The following PTPRS variants were observed in gnomAD, a reference collection of about 807,000 sequenced individuals.
PTPRS encodes the protein protein tyrosine phosphatase receptor type S.
In PTPRS, 63 loss-of-function variants were observed where a neutral mutation model predicts 215.3. That is an observed-to-expected ratio of 0.29 (90% CI 0.24 to 0.36). PTPRS has a LOEUF of 0.36. Ranked by LOEUF, PTPRS falls within the 10% of genes least tolerant of loss-of-function variation. The pLI, the probability that PTPRS is intolerant of heterozygous loss-of-function variation, is 1.00. For synonymous variants in PTPRS, 1,404 were observed against 1,191.4 expected (o/e 1.18, Z -3.68); for missense variants, 2,258 against 2,825.8 (o/e 0.80, Z 4.56).
intron 17 of PTPRS, 90 bp from the exon 18 acceptor site, chr19:5,223,387 T>A: frequency 6.1e-6 from 8 of 1,304,130 alleles, no homozygotes; most frequent in Non-Finnish European, 7.9e-6. Flanking sequence ...TTCTTTTCCT[T>A]CAATATAACA....
Position 5,210,532 on chromosome 19 carries a change from A to C in PTPRS, c.5424T>G (p.Asp1808Glu), listed in dbSNP as rs995063565. Reference sequence around the variant, plus strand: ...GAGGCATGTTGTATTCTGCCATCGGATCTACCACAAAGTACTGGTAGCGGG... The same window carrying C: ...GAGGCATGTTGTATTCTGCCATCGGCTCTACCACAAAGTACTGGTAGCGGG... ...RSARYQYFVVDPMAEYNMPQY... is the reference protein window; with the variant it reads ...RSARYQYFVVEPMAEYNMPQY... The change falls in exon 35 of 38, where the codon GAT becomes GAG. Residue 1808 changes from aspartate to glutamate, a missense_variant. Physicochemically the swap from Asp to Glu is conservative, Grantham distance 45. This residue lies in a region of PTPRS where 927 missense variants were observed against 1,125.9 expected (regional missense o/e 0.82). Coordinates refer to ENST00000262963, the MANE Select transcript of PTPRS (RefSeq NM_002850.4). This position sits in a 1 kb window ranked among gnomAD's most constrained non-coding sequence, Gnocchi z 4.5. 3 of 1,613,978 alleles carry C rather than the reference A, an allele frequency of 1.9e-6. No homozygotes were observed. The highest frequency in any genetic ancestry group is 2.7e-5 in the African/African-American group (2 of 74,904).
intron 17 of PTPRS, among the ~76,000 whole-genome samples, 164 bp downstream of exon 17, chr19:5,225,563 C>T (rs1342288673): frequency 6.6e-6 from 1 of 151,776 alleles, no homozygotes; most frequent in Non-Finnish European, 1.5e-5. Context: ...CCAAGCTGGG[C>T]CCTGGACACC....
At chr19:5,270,419 T>C (rs1369060862) in intron 4 of PTPRS, among the ~76,000 whole-genome samples, 3 of 151,138 alleles carry the variant, frequency 2.0e-5, no homozygotes, top group African/African-American at 7.3e-5. Context: ...GCCTCCTAAG[T>C]ACTTGGGACT....
intron 4 of PTPRS, among the ~76,000 whole-genome samples, chr19:5,272,510 A>T (rs1186740141): frequency 1.4e-5 from 2 of 144,126 alleles, no homozygotes; most frequent in East Asian, 4.4e-4. Context: ...AGGCAGGAGA[A>T]TCGCTTGAAC....
At position 5,281,821 on chromosome 19, in the gene PTPRS, C is replaced by T. The variant is rs1055246720; in HGVS notation, c.91+4229G>A. On this transcript the variant is annotated intron_variant, in intron 2 of 37. Transcript: ENST00000262963. ...CTGCCTGTCTGACCTAGAGCCAGAA[C>T]ACACCCCTTGCCCCCTCCAATCCAG... Among the ~76,000 whole-genome samples, 3 of 152,226 alleles carry T rather than the reference C, an allele frequency of 2.0e-5. No individual in the cohort carries two copies. The East Asian group carries it at 5.8e-4, about 29-fold the overall frequency.
At position 5,220,345 on chromosome 19, in the gene PTPRS, A is replaced by AT; in HGVS notation, c.3463_3464insA (p.Phe1155TyrfsTer21). 6.2e-7 allele frequency: 1 copy of AT among 1,613,556 alleles called. No homozygotes were observed. The stretch of plus-strand genomic sequence containing the variant: ...CTTGCGCAGTGGCACCATCACAATG[A>AT]AATAGCTCCTGTAGGGAGATGGGAA... On this transcript the variant is annotated frameshift_variant, in exon 21 of 38. Coordinates refer to ENST00000262963, the MANE Select transcript of PTPRS (RefSeq NM_002850.4). LOFTEE classifies it high-confidence loss of function.
intron 13 of PTPRS, among the ~76,000 whole-genome samples, chr19:5,235,143 T>C (rs1190624579): frequency 2.0e-5 from 3 of 152,234 alleles, no homozygotes; most frequent in East Asian, 3.9e-4. Context: ...ATTTTCACCA[T>C]GTTGGCCAGG....
At chr19:5,273,000 G>A (rs1164335714) in intron 4 of PTPRS, 1 of 195,740 alleles carries the variant, frequency 5.1e-6, no homozygotes, top group African/African-American at 2.4e-5. Flanking sequence ...AGTGGGGGAA[G>A]TCTCACTAAG....
intron 26 of PTPRS, 41 bp downstream of exon 26, chr19:5,216,679 G>GC (rs1186652288): frequency 6.9e-7 from 1 of 1,455,510 alleles, no homozygotes; most frequent in Non-Finnish European, 9.4e-7. Flanking sequence ...ATGAACGGGG[G>GC]CGGGGGCGAA....
chr19:5,269,615 G>A (rs931840732), intron 4 of PTPRS, among the ~76,000 whole-genome samples: 3 of 152,028 alleles, frequency 2.0e-5, no homozygotes, highest in Admixed American at 6.6e-5. Flanking sequence ...CCAGGCAGCC[G>A]GAGAGGAGAG....
intron 1 of PTPRS, among the ~76,000 whole-genome samples, chr19:5,321,943 T>C (rs534605458): frequency 1.8e-4 from 28 of 152,196 alleles, no homozygotes; most frequent in Non-Finnish European, 3.8e-4. Flanking sequence ...GCCCAAACCC[T>C]GAGATGTCCC....
chr19:5,244,556 CCATT>C lies in PTPRS; in HGVS notation c.989-78_989-75del. ...ACCCTGAAGGCTGTGTGACTTTTCA[CCATT>C]CAGTCGCCTTCTCTGAGCCTTGATT... On this transcript the variant is annotated intron_variant, in intron 10 of 37. Coordinates refer to ENST00000262963, the MANE Select transcript of PTPRS (RefSeq NM_002850.4). The surrounding 1 kb of genome is among the most constrained non-coding windows in gnomAD (Gnocchi z 7.2). 7.9e-7 allele frequency: 1 copy of C among 1,264,326 alleles called. No individual in the cohort carries two copies. Among genetic ancestry groups the C allele is most frequent in the Non-Finnish European group, 1.1e-6 (1 of 903,412 alleles). 78.3% of individuals were successfully genotyped at this position (1,264,326 alleles called of 1,614,324 possible).
At chr19:5,223,766 TGGCCA>T (rs200041299) in intron 17 of PTPRS, among the ~76,000 whole-genome samples, 1,650 of 150,752 alleles carry the variant, frequency 0.011, 32 homozygotes, top group African/African-American at 0.038. Flanking sequence ...TTCGCCATAT[TGGCCA>T]GGCTGGTCTT....
rs750721878 is a variant in PTPRS, at chr19:5,244,263, G to A, written c.1208C>T (p.Ser403Leu). Residue 403 changes from serine (S) to leucine (L), a missense_variant, in exon 11 of 38, where the codon TCG (serine) becomes TTG (leucine). Ser to Leu is a moderately radical substitution (Grantham distance 145). Around this residue, in one of 6 missense-constraint regions of PTPRS, gnomAD observed 508 missense variants for 799.4 expected, o/e 0.64. Coordinates refer to ENST00000262963, the MANE Select transcript of PTPRS (RefSeq NM_002850.4). This position sits in a 1 kb window ranked among gnomAD's most constrained non-coding sequence, Gnocchi z 7.2. The stretch of plus-strand genomic sequence containing the variant: ...CCCCTGGCCGATGGAGTTGACGGCC[G>A]ACACCCAGATCTCGTACTCCGAGTT... The part of the protein sequence containing the change: ...SPNSEYEIWV[S>L]AVNSIGQGPP... The A allele has an allele frequency of 6.2e-6, 10 of 1,614,094 alleles. No homozygotes were observed. The highest frequency in any genetic ancestry group is 8.5e-6 in the Non-Finnish European group (10 of 1,179,950).
chr19:5,256,141 T>C (rs1397181834), intron 8 of PTPRS, 22 bp from the exon 9 acceptor site: 1 of 1,519,134 alleles, frequency 6.6e-7, no homozygotes, highest in Non-Finnish European at 9.1e-7. Context: ...AAAGGGGGTT[T>C]GATGCAGAAC....
Position 5,260,775 on chromosome 19 carries a change from G to T in PTPRS, c.595+30C>A, listed in dbSNP as rs10402566. On this transcript the variant is annotated intron_variant, in intron 7 of 37. Transcript: ENST00000262963. ...CTGAGTGGGCAGCAAGAGCGAGCGT[G>T]AGTGGGTGGGTGAGTGAGGAGCCTC... is the stretch of plus-strand genomic sequence containing the variant. 3.1e-6 allele frequency: 5 copies of T among 1,613,220 alleles called. No individual in the cohort carries two copies. In the African/African-American group the frequency reaches 6.7e-5, roughly 22 times the overall value.
chr19:5,303,956 AT>A (rs1555805684), intron 1 of PTPRS, among the ~76,000 whole-genome samples: 7 of 151,294 alleles, frequency 4.6e-5, no homozygotes, highest in Admixed American at 1.3e-4. Context: ...GTCTCAAAAA[AT>A]AATAATAACA....
rs545658474 is a variant in PTPRS at position 5,206,060 on chromosome 19, TAAAAA to T, written c.*709_*713del. On this transcript the variant is annotated 3_prime_UTR_variant, in exon 38 of 38. Transcript: ENST00000262963. ...CACACTTTCTGATGGTAGGAAAAAT[TAAAAA>T]AAAAAAAAAAAAAAAAAAAGCCAAG... Among the ~76,000 whole-genome samples the T allele has an allele frequency of 1.1e-4, 8 of 70,258 alleles. No homozygotes were observed. The highest frequency in any genetic ancestry group is 8.7e-4 in the East Asian group (2 of 2,298). The allele number at this position is 70,258 out of a possible 152,430, so 46.1% of individuals were successfully genotyped here.
intron 26 of PTPRS, among the ~76,000 whole-genome samples, chr19:5,216,108 G>A (rs955319209): frequency 1.3e-5 from 2 of 152,168 alleles, no homozygotes; most frequent in Non-Finnish European, 2.9e-5. Context: ...GACAGACTAG[G>A]GAGGGGAAAC....
Sources: gnomAD v4.1 joint callset for allele counts (sites outside exome capture counted in the v4.1 genomes callset) on GRCh38, gnomAD v4.1.1 for gene constraint, gnomAD v4.1.1 regional missense constraint, Gnocchi (gnomAD v3.1) non-coding constraint, MANE v1.5 for transcripts, NCBI Gene and HGNC (gene_info 2026-07-23, HGNC 2026-07-21) for gene names.